The following SLC5A3 variants were observed in gnomAD, a reference collection of about 807,000 sequenced individuals.
The protein encoded by SLC5A3 is solute carrier family 5 member 3.
Under a neutral mutation model 43.2 loss-of-function variants are expected in SLC5A3, and 10 were observed. The ratio of observed to expected loss-of-function variants is 0.23; its 90% CI spans 0.14 to 0.39. The LOEUF is 0.39. SLC5A3 is among the 10% of genes least tolerant of loss of function. The pLI, the probability that SLC5A3 is intolerant of heterozygous loss-of-function variation, is 1.00. For missense variants in SLC5A3, 608 were observed against 893.4 expected (o/e 0.68, Z 4.07); for synonymous variants, 349 against 322.0 (o/e 1.08, Z -0.90).
chr21:34,103,161 T>A lies in SLC5A3; in HGVS notation c.*5806T>A. The A allele has an allele frequency of 1.0e-6, 1 of 999,850 alleles. No individual in the cohort carries two copies. Among genetic ancestry groups the A allele is most frequent in the Non-Finnish European group, 1.2e-6 (1 of 829,656 alleles). The allele number at this position is 999,850 out of a possible 1,614,324, so 61.9% of individuals were successfully genotyped here. On this transcript the variant is annotated 3_prime_UTR_variant, in exon 2 of 2. Transcript: ENST00000381151. ...AACTGGCAAAGGCCAGTATATATGG[T>A]ATTCCATAATATAACCAGCTTTTGA... is the stretch of plus-strand genomic sequence containing the variant.
chr21:34,095,688 C>T lies in SLC5A3; in HGVS notation c.490C>T (p.Leu164=). 6.2e-7 allele frequency: 1 copy of T among 1,613,826 alleles called. No homozygotes were observed. The highest frequency in any genetic ancestry group is 8.5e-7 in the Non-Finnish European group (1 of 1,179,944). ...TTGGAATCTTTATGTGTCTGTCATCCTGCTCATTGGCATGACTGCTTTGCT... is the reference window on the plus strand; with the variant it reads ...TTGGAATCTTTATGTGTCTGTCATCTTGCTCATTGGCATGACTGCTTTGCT... ...LGWNLYVSVI[L]LIGMTALLTV... The change falls in exon 2 of 2, where the codon CTG becomes TTG. Residue 164 remains leucine (L), a synonymous_variant. Transcript: ENST00000381151.
Position 34,098,633 on chromosome 21 carries a change from G to A in SLC5A3, c.*1278G>A, listed in dbSNP as rs1281701799. ...ATATAGTCTTTCTGTAGGATGGATA[G>A]CATGTTTGAGAGGTGCCAAACAAGA... On this transcript the variant is annotated 3_prime_UTR_variant, in exon 2 of 2. Transcript: ENST00000381151. The A allele has an allele frequency of 4.0e-6, 4 of 1,000,296 alleles. No homozygotes were observed. The highest frequency in any genetic ancestry group is 1.1e-4 in the East Asian group (1 of 8,820). 62.0% of individuals were successfully genotyped at this position (1,000,296 alleles called of 1,614,324 possible).
Position 34,097,769 on chromosome 21 carries a change from C to T in SLC5A3, c.*414C>T, listed in dbSNP as rs770486716. The T allele has an allele frequency of 4.3e-5, 43 of 1,001,276 alleles. No homozygotes were observed. The highest frequency in any genetic ancestry group is 5.2e-5 in the Non-Finnish European group (43 of 830,514). The allele number at this position is 1,001,276 out of a possible 1,614,324, so 62.0% of individuals were successfully genotyped here. ...TTTTTTTTCTGTCTCTGTAATCCCT[C>T]CTACCATTAAGAAAAACTTATTTCT... On this transcript the variant is annotated 3_prime_UTR_variant, in exon 2 of 2. Coordinates refer to ENST00000381151, the MANE Select transcript of SLC5A3 (RefSeq NM_006933.7).
chr21:34,085,825 A>G (rs1978342391), intron 1 of SLC5A3, among the ~76,000 whole-genome samples: 1 of 152,102 alleles, frequency 6.6e-6, no homozygotes, highest in Non-Finnish European at 1.5e-5. Flanking sequence ...GGTGGTCTTG[A>G]TGTCCTGACC....
At position 34,100,156 on chromosome 21, in the gene SLC5A3, G is replaced by A; in HGVS notation, c.*2801G>A. Reference sequence around the variant, plus strand: ...TAGAATAGCTAAAAGTCAAAATGAGGTGAGGACACTGGTCTTGGAAGGTAG... The same window carrying A: ...TAGAATAGCTAAAAGTCAAAATGAGATGAGGACACTGGTCTTGGAAGGTAG... On this transcript the variant is annotated 3_prime_UTR_variant, in exon 2 of 2. Coordinates refer to ENST00000381151, the MANE Select transcript of SLC5A3 (RefSeq NM_006933.7). 3.0e-6 allele frequency: 3 copies of A among 999,924 alleles called. No individual in the cohort carries two copies. Among genetic ancestry groups the A allele is most frequent in the Non-Finnish European group, 3.6e-6 (3 of 829,646 alleles). 61.9% of individuals were successfully genotyped at this position (999,924 alleles called of 1,614,324 possible).
chr21:34,097,420 T>C lies in SLC5A3; in HGVS notation c.*65T>C, dbSNP rs1440256814. 3.3e-5 allele frequency: 45 copies of C among 1,356,822 alleles called. No individual in the cohort carries two copies. The highest frequency in any genetic ancestry group is 2.3e-4 in the Middle Eastern group (1 of 4,394). 84.0% of individuals were successfully genotyped at this position (1,356,822 alleles called of 1,614,324 possible). ...GACTGGTCTTTGGGGAAAAAAGTTA[T>C]GTAACTGTGCATCTCTCAGGCATTG... is the stretch of plus-strand genomic sequence containing the variant. On this transcript the variant is annotated 3_prime_UTR_variant, in exon 2 of 2. Coordinates refer to ENST00000381151, the MANE Select transcript of SLC5A3 (RefSeq NM_006933.7).
At chr21:34,085,057 T>C (rs1266919030) in intron 1 of SLC5A3, among the ~76,000 whole-genome samples, 1 of 152,226 alleles carries the variant, frequency 6.6e-6, no homozygotes. Flanking sequence ...CCACCAAATA[T>C]TCAATTCATA....
At chr21:34,075,577 A>G (rs1989309361) in intron 1 of SLC5A3, among the ~76,000 whole-genome samples, 1 of 152,226 alleles carries the variant, frequency 6.6e-6, no homozygotes, top group Admixed American at 6.5e-5. Context: ...GAAAGTAGAT[A>G]ATAAAGGTGA....
chr21:34,089,068 C>T (rs1162544309), intron 1 of SLC5A3, among the ~76,000 whole-genome samples: 1 of 151,986 alleles, frequency 6.6e-6, no homozygotes, highest in Non-Finnish European at 1.5e-5. Context: ...GCTCTGTTGC[C>T]CAGGCTGGAG....
chr21:34,090,618 A>G (rs1978636856), intron 1 of SLC5A3, among the ~76,000 whole-genome samples: 3 of 152,230 alleles, frequency 2.0e-5, no homozygotes, highest in Admixed American at 1.3e-4. Context: ...AAAGGAACTA[A>G]TATCACTTCT....
chr21:34,094,305 A>C (rs1454499036), intron 1 of SLC5A3, among the ~76,000 whole-genome samples: 1 of 152,136 alleles, frequency 6.6e-6, no homozygotes, highest in Admixed American at 6.6e-5. Context: ...AAGCTTTATA[A>C]CAATACATTT....
In SLC5A3 at chr21:34,102,779, A is replaced by G. The variant is rs1185261458; in HGVS notation, c.*5424A>G. ...AGTGGTTTTGCTCTATACCACTGAA[A>G]AGCACTATAACATAATTGTTGTCCA... On this transcript the variant is annotated 3_prime_UTR_variant, in exon 2 of 2. Transcript: ENST00000381151. 1 of 1,000,108 alleles carries G rather than the reference A, an allele frequency of 1.0e-6. No homozygotes were observed. Among genetic ancestry groups the G allele is most frequent in the Non-Finnish European group, 1.2e-6 (1 of 829,872 alleles). 62.0% of individuals were successfully genotyped at this position (1,000,108 alleles called of 1,614,324 possible).
At chr21:34,085,231 T>G (rs367591646) in intron 1 of SLC5A3, among the ~76,000 whole-genome samples, 1 of 152,234 alleles carries the variant, frequency 6.6e-6, no homozygotes. Flanking sequence ...CCTACTGTTT[T>G]GCAGAAACCC....
chr21:34,096,669 T>C lies in SLC5A3; in HGVS notation c.1471T>C (p.Tyr491His), dbSNP rs574501087. The C allele has an allele frequency of 6.2e-7, 1 of 1,614,146 alleles. No individual in the cohort carries two copies. The highest frequency in any genetic ancestry group is 1.1e-5 in the South Asian group (1 of 91,082). ...GAVRLILAFA[Y>H]RAPECDQPDN... ...AGTCCGTTTGATACTGGCCTTTGCC[T>C]ACCGTGCCCCAGAATGTGACCAACC... The change falls in exon 2 of 2, where the codon TAC becomes CAC. Residue 491 changes from tyrosine (Y) to histidine (H), a missense_variant. Tyr to His is a moderately conservative substitution (Grantham distance 83, BLOSUM62 2). Coordinates refer to ENST00000381151, the MANE Select transcript of SLC5A3 (RefSeq NM_006933.7). This position sits in a 1 kb window ranked among gnomAD's most constrained non-coding sequence, Gnocchi z 5.9.
At chr21:34,090,196 A>T in intron 1 of SLC5A3, among the ~76,000 whole-genome samples, 1 of 152,244 alleles carries the variant, frequency 6.6e-6, no homozygotes, top group East Asian at 1.9e-4. Context: ...CAGGCCAGTT[A>T]TATTAGGAAA....
In SLC5A3 at chr21:34,102,804, A is replaced by T. The variant is rs1282264448; in HGVS notation, c.*5449A>T. 1 of 1,000,056 alleles carries T rather than the reference A, an allele frequency of 1.0e-6. No homozygotes were observed. The highest frequency in any genetic ancestry group is 1.2e-6 in the Non-Finnish European group (1 of 829,914). 61.9% of individuals were successfully genotyped at this position (1,000,056 alleles called of 1,614,324 possible). A position where few individuals can be genotyped will look rare whatever the true frequency, so the allele number is the denominator to read the frequency against. ...AAGCACTATAACATAATTGTTGTCCATGATACTGAAGCTTTTCCCCTCACT... is the reference window on the plus strand; with the variant it reads ...AAGCACTATAACATAATTGTTGTCCTTGATACTGAAGCTTTTCCCCTCACT... On this transcript the variant is annotated 3_prime_UTR_variant, in exon 2 of 2. Transcript: ENST00000381151.
At chr21:34,088,628 G>T (rs1370889857) in intron 1 of SLC5A3, among the ~76,000 whole-genome samples, 4 of 152,186 alleles carry the variant, frequency 2.6e-5, no homozygotes, top group African/African-American at 4.8e-5. Flanking sequence ...TTCACTGAAG[G>T]TAGTATTGCA....
rs1027120887 is a variant in SLC5A3 at position 34,104,351 on chromosome 21, C to T, written c.*6996C>T. On this transcript the variant is annotated 3_prime_UTR_variant, in exon 2 of 2. Transcript: ENST00000381151. ...AGAAAACGTATGTTCTTCTACTCAG[C>T]ATTGCCCTTTTCCACCTCCTCACTT... The T allele has an allele frequency of 5.0e-6, 5 of 999,718 alleles. No individual in the cohort carries two copies. The African/African-American group carries it at 5.2e-5, about 10-fold the overall frequency. 61.9% of individuals were successfully genotyped at this position (999,718 alleles called of 1,614,324 possible). A position where few individuals can be genotyped will look rare whatever the true frequency, so the allele number is the denominator to read the frequency against.
chr21:34,096,286 T>C lies in SLC5A3; in HGVS notation c.1088T>C (p.Leu363Pro). The C allele has an allele frequency of 6.2e-7, 1 of 1,614,148 alleles. No individual in the cohort carries two copies. Among genetic ancestry groups the C allele is most frequent in the Non-Finnish European group, 8.5e-7 (1 of 1,180,010 alleles). Residue 363 changes from leucine to proline, a missense_variant, in exon 2 of 2, where the codon CTT becomes CCT. Physicochemically the swap from Leu to Pro is moderately conservative, Grantham distance 98. Coordinates refer to ENST00000381151, the MANE Select transcript of SLC5A3 (RefSeq NM_006933.7). The surrounding 1 kb of genome is among the most constrained non-coding windows in gnomAD (Gnocchi z 5.9). ...GTGATGAAGCTGGTTCCTGTGGGCC[T>C]TCGGGGTTTAATGATGGCAGTGATG... ...RLVMKLVPVG[L>P]RGLMMAVMIA...
Sources: allele counts gnomAD v4.1 joint callset (sites outside exome capture counted in the v4.1 genomes callset), GRCh38; gene constraint gnomAD v4.1.1; non-coding constraint Gnocchi (gnomAD v3.1); transcripts MANE v1.5; gene names NCBI Gene and HGNC (gene_info 2026-07-23, HGNC 2026-07-21).